The following UGT1A9 variants were observed in gnomAD, a reference collection of about 807,000 sequenced individuals.
UGT1A9 encodes the protein UDP-glucuronosyltransferase 1A9.
Under a neutral mutation model 45.0 loss-of-function variants are expected in UGT1A9, and 35 were observed. The ratio of observed to expected loss-of-function variants is 0.78; its 90% confidence interval spans 0.59 to 1.03. UGT1A9 has a LOEUF of 1.03. Ranked by LOEUF, UGT1A9 falls within the 50% of genes least tolerant of loss-of-function variation. The pLI is 0.00. For missense variants in UGT1A9, 687 were observed against 666.6 expected (o/e 1.03, Z -0.34); for synonymous variants, 278 against 250.6 (o/e 1.11, Z -1.03).
chr2:233,772,177 GTCT>G, intron 4 of UGT1A9, 82 bp from the exon 5 acceptor site: 1 of 1,583,018 alleles, frequency 6.3e-7, no homozygotes. Flanking sequence ...AAATCTGGTA[GTCT>G]TCTTAAGCAG....
Position 233,724,644 on chromosome 2 carries a change from G to T in UGT1A9, c.856-42390G>T, listed in dbSNP as rs1189293479. Among the ~76,000 whole-genome samples, 3 of 141,266 alleles carry T rather than the reference G, an allele frequency of 2.1e-5. 1 individual carries two copies. Among genetic ancestry groups the T allele is most frequent in the Admixed American group, 2.1e-4 (3 of 14,230 alleles). The allele number at this position is 141,266 out of a possible 152,430, so 92.7% of individuals were successfully genotyped here. A position where few individuals can be genotyped will look rare whatever the true frequency, so the allele number is the denominator to read the frequency against. ...CTCCTCACTTCCTAGATGTGATGGC[G>T]GCTGGGAAGAGGCGCTCCTCACTTC... On this transcript the variant is annotated intron_variant, in intron 1 of 4. Coordinates refer to ENST00000354728, the MANE Select transcript of UGT1A9 (RefSeq NM_021027.3).
At chr2:233,760,280 A>G (rs1365658904) in intron 1 of UGT1A9, 1 of 1,612,818 alleles carries the variant, frequency 6.2e-7, no homozygotes, top group Non-Finnish European at 8.5e-7. Flanking sequence ...GGCAGGAGCA[A>G]AGGCGCCATG....
chr2:233,743,310 G>T, intron 1 of UGT1A9: 2 of 644,780 alleles, frequency 3.1e-6, no homozygotes, highest in Non-Finnish European at 5.0e-6. Context: ...TCTTGGTGGT[G>T]ATTTTTTTAC....
chr2:233,738,999 G>A (rs907486973), intron 1 of UGT1A9: 14 of 152,246 alleles, frequency 9.2e-5, no homozygotes, highest in African/African-American at 2.7e-4. Flanking sequence ...TTGGTGCCCT[G>A]TGTCCCAGTG....
chr2:233,751,225 C>T (rs1015976096), intron 1 of UGT1A9, among the ~76,000 whole-genome samples: 6 of 151,960 alleles, frequency 3.9e-5, no homozygotes, highest in Admixed American at 3.9e-4. Flanking sequence ...TTAATGACTG[C>T]CCTGCCTGGT....
chr2:233,742,671 T>C (rs1692065704), intron 1 of UGT1A9: 1 of 152,224 alleles, frequency 6.6e-6, no homozygotes, highest in South Asian at 2.1e-4. Context: ...CCCCAAGGTT[T>C]GTCCTCAGCC....
intron 1 of UGT1A9, among the ~76,000 whole-genome samples, chr2:233,678,182 C>T (rs2074410997): frequency 6.6e-6 from 1 of 152,144 alleles, no homozygotes; most frequent in Non-Finnish European, 1.5e-5. Flanking sequence ...AGAGGAAAGG[C>T]TGCAAGAGTT....
At chr2:233,746,798 G>A (rs1477118047) in intron 1 of UGT1A9, among the ~76,000 whole-genome samples, 2 of 151,768 alleles carry the variant, frequency 1.3e-5, no homozygotes, top group East Asian at 1.9e-4. Context: ...ATTCATGAGC[G>A]TGAATGTGGA....
chr2:233,769,313 C>G lies in UGT1A9; in HGVS notation c.1295+874C>G, dbSNP rs1699834198. 6.6e-6 allele frequency among the ~76,000 whole-genome samples: 1 copy of G among 152,226 alleles called. No homozygotes were observed. Among genetic ancestry groups the G allele is most frequent in the Admixed American group, 6.5e-5 (1 of 15,282 alleles). ...TTAAAGTTAGTATATTACTGTCAAG[C>G]TCACTGGTAATAGGCTTATTAGAAC... is the stretch of plus-strand genomic sequence containing the variant. On this transcript the variant is annotated intron_variant, in intron 4 of 4. Coordinates refer to ENST00000354728, the MANE Select transcript of UGT1A9 (RefSeq NM_021027.3). This position sits in a 1 kb window ranked among gnomAD's most constrained non-coding sequence, Gnocchi z 4.4.
rs528108903 is a variant in UGT1A9, at chr2:233,675,717, A to T, written c.855+2928A>T. Among the ~76,000 whole-genome samples the T allele has an allele frequency of 2.0e-5, 3 of 152,362 alleles. No individual in the cohort carries two copies. The East Asian group carries it at 5.8e-4, about 29-fold the overall frequency. The stretch of plus-strand genomic sequence containing the variant: ...TCCATTCTTAGGTTAAATAATTTTC[A>T]CTATTTTGCTCTACTAATTCATCTA... On this transcript the variant is annotated intron_variant, in intron 1 of 4. Coordinates refer to ENST00000354728, the MANE Select transcript of UGT1A9 (RefSeq NM_021027.3).
intron 2 of UGT1A9, 141 bp downstream of exon 2, chr2:233,767,306 T>A: frequency 6.6e-7 from 1 of 1,507,862 alleles, no homozygotes; most frequent in Non-Finnish European, 8.8e-7. Flanking sequence ...AATCCAAAGG[T>A]TTTTTTTGTT....
chr2:233,699,578 A>G (rs2075513804), intron 1 of UGT1A9, among the ~76,000 whole-genome samples: 1 of 152,218 alleles, frequency 6.6e-6, no homozygotes, highest in Non-Finnish European at 1.5e-5. Context: ...TGGCTCTAGG[A>G]CATCCTTTCT....
chr2:233,724,499 A>T, intron 1 of UGT1A9, among the ~76,000 whole-genome samples: 1 of 77,576 alleles, frequency 1.3e-5, no homozygotes, highest in Admixed American at 1.3e-4. Context: ...GGCCGGGCAG[A>T]GACGCTCCTC....
chr2:233,724,777 C>T (rs924774520), intron 1 of UGT1A9, among the ~76,000 whole-genome samples: 6 of 142,286 alleles, frequency 4.2e-5, no homozygotes, highest in African/African-American at 8.1e-5. Flanking sequence ...CAGAGACACT[C>T]CTCACTTCCC....
chr2:233,771,796 C>A (rs373628815), intron 4 of UGT1A9, among the ~76,000 whole-genome samples: 1 of 151,712 alleles, frequency 6.6e-6, no homozygotes, highest in Non-Finnish European at 1.5e-5. Flanking sequence ...CCCTCCCTCC[C>A]TCCCTCCCTT....
At chr2:233,760,894 C>T (rs1697601712) in intron 1 of UGT1A9, 6 of 1,614,174 alleles carry the variant, frequency 3.7e-6, no homozygotes, top group Non-Finnish European at 5.1e-6. Flanking sequence ...TCATTCAGAT[C>T]ACATGACCTT....
intron 1 of UGT1A9, among the ~76,000 whole-genome samples, chr2:233,706,260 G>A (rs1000917141): frequency 6.6e-6 from 1 of 152,228 alleles, no homozygotes; most frequent in Non-Finnish European, 1.5e-5. Context: ...AGGGCAGCTG[G>A]ATTGCCCAAC....
At chr2:233,754,970 G>T (rs1695665422) in intron 1 of UGT1A9, 1 of 1,301,498 alleles carries the variant, frequency 7.7e-7, no homozygotes, top group Non-Finnish European at 1.0e-6. Context: ...AGAACTCCCT[G>T]AAGACCTCGG....
chr2:233,737,366 G>T (rs1427441917), intron 1 of UGT1A9, among the ~76,000 whole-genome samples: 1 of 152,256 alleles, frequency 6.6e-6, no homozygotes, highest in Non-Finnish European at 1.5e-5. Context: ...GCTAAGCCAG[G>T]CAGGGGAGAG....
Sources: allele counts gnomAD v4.1 joint callset (sites outside exome capture counted in the v4.1 genomes callset), GRCh38; gene constraint gnomAD v4.1.1; non-coding constraint Gnocchi (gnomAD v3.1); transcripts MANE v1.5; gene names NCBI Gene and HGNC (gene_info 2026-07-23, HGNC 2026-07-21).